UGT1A9: variants seen among roughly 807,000 people sequenced by gnomAD.
The protein encoded by UGT1A9 is UDP glucuronosyltransferase family 1 member A9.
UGT1A9 carries 35 observed loss-of-function variants against 45.0 expected under a neutral mutation model. The ratio of observed to expected loss-of-function variants is 0.78; its 90% CI spans 0.59 to 1.03. The LOEUF is 1.03. UGT1A9 is among the 50% of genes least tolerant of loss of function. The pLI is 0.00. For missense variants in UGT1A9, 687 were observed against 666.6 expected (o/e 1.03, Z -0.34); for synonymous variants, 278 against 250.6 (o/e 1.11, Z -1.03).
rs560828770 is a variant in UGT1A9, at chr2:233,701,758, G to A, written c.855+28969G>A. 2.2e-4 allele frequency among the ~76,000 whole-genome samples: 34 copies of A among 152,276 alleles called. No individual in the cohort carries two copies. The East Asian group carries it at 2.3e-3, about 10-fold the overall frequency. On this transcript the variant is annotated intron_variant, in intron 1 of 4. Transcript: ENST00000354728. ...CCTGAATAACTACTGGGTACATAACGAAATGAAGGCAGAAATAAAGGTGTT... is the reference window on the plus strand; with the variant it reads ...CCTGAATAACTACTGGGTACATAACAAAATGAAGGCAGAAATAAAGGTGTT...
At chr2:233,719,824 T>G in intron 1 of UGT1A9, 2 of 1,564,874 alleles carry the variant, frequency 1.3e-6, no homozygotes, top group South Asian at 2.4e-5. Context: ...GATAAACTGT[T>G]GAGGGGCCTA....
At chr2:233,749,889 C>G (rs1694294053) in intron 1 of UGT1A9, among the ~76,000 whole-genome samples, 1 of 151,896 alleles carries the variant, frequency 6.6e-6, no homozygotes. Context: ...TCCTGAGGCT[C>G]CCCCCTCCAG....
rs748395710 is a variant in UGT1A9, at chr2:233,672,689, T to C, written c.755T>C (p.Leu252Ser). 9 of 1,613,952 alleles carry C rather than the reference T, an allele frequency of 5.6e-6. No individual in the cohort carries two copies. Among genetic ancestry groups the C allele is most frequent in the Non-Finnish European group, 6.8e-6 (8 of 1,179,832 alleles). Residue 252 changes from leucine to serine, a missense_variant, in exon 1 of 5, where the codon TTG (leucine) becomes TCG (serine). By Grantham distance (145) the Leu-to-Ser change is moderately radical. Transcript: ENST00000354728. ...CTCTACAGCCACACATCAATTTGGT[T>C]GTTGCGAACGGACTTTGTTTTGGAC... ...YDLYSHTSIW[L>S]LRTDFVLDYP...
intron 1 of UGT1A9, among the ~76,000 whole-genome samples, chr2:233,705,949 T>A (rs1472932510): frequency 6.6e-6 from 1 of 151,962 alleles, no homozygotes; most frequent in Non-Finnish European, 1.5e-5. Context: ...ATTAGCTGGG[T>A]GTGGAGGTGC....
At chr2:233,683,817 C>T (rs2074652711) in intron 1 of UGT1A9, among the ~76,000 whole-genome samples, 2 of 152,078 alleles carry the variant, frequency 1.3e-5, no homozygotes, top group African/African-American at 2.4e-5. Flanking sequence ...TATTACTAAA[C>T]TCTCGTATTA....
intron 1 of UGT1A9, among the ~76,000 whole-genome samples, chr2:233,707,450 C>G (rs191535913): frequency 1.3e-5 from 2 of 151,870 alleles, no homozygotes; most frequent in East Asian, 1.9e-4. Flanking sequence ...ATTTTGCCAC[C>G]TAAATTTGCA....
intron 1 of UGT1A9, chr2:233,760,670 C>T: frequency 6.2e-7 from 1 of 1,614,098 alleles, no homozygotes; most frequent in Non-Finnish European, 8.5e-7. Context: ...TCTGGCTGTT[C>T]CCACTTACTG....
At chr2:233,729,959 G>T (rs1416622482) in intron 1 of UGT1A9, 2 of 1,614,018 alleles carry the variant, frequency 1.2e-6, no homozygotes, top group South Asian at 2.2e-5. Context: ...TTCATTGGGG[G>T]CATCAACTGT....
intron 1 of UGT1A9, among the ~76,000 whole-genome samples, chr2:233,688,515 C>A (rs953054685): frequency 6.6e-6 from 1 of 152,002 alleles, no homozygotes; most frequent in South Asian, 2.1e-4. Context: ...CAGTGAAATG[C>A]GCCTAGAGTG....
At chr2:233,677,079 A>C (rs1311557264) in intron 1 of UGT1A9, among the ~76,000 whole-genome samples, 1 of 152,082 alleles carries the variant, frequency 6.6e-6, no homozygotes, top group East Asian at 1.9e-4. Context: ...TAATGTGTGC[A>C]AAAATCCTGC....
intron 1 of UGT1A9, chr2:233,744,035 C>T (rs367793428): frequency 5.3e-5 from 42 of 799,694 alleles, no homozygotes; most frequent in Admixed American, 1.0e-4. Flanking sequence ...CCCCTTATGA[C>T]GCAGCCACAT....
intron 1 of UGT1A9, chr2:233,693,477 T>A (rs1474224090): frequency 6.2e-7 from 1 of 1,614,186 alleles, no homozygotes; most frequent in Non-Finnish European, 8.5e-7. Flanking sequence ...TGTGGGGTGA[T>A]CCTGGCTGAG....
At chr2:233,712,928 A>G in intron 1 of UGT1A9, 1 of 1,612,102 alleles carries the variant, frequency 6.2e-7, no homozygotes, top group East Asian at 2.2e-5. Flanking sequence ...AATTAAGACG[A>G]AGGAAACAAT....
rs186748787 is a variant in UGT1A9, at chr2:233,672,201, G to T, written c.267G>T (p.Glu89Asp). The change falls in exon 1 of 5, where the codon GAG becomes GAT. Residue 89 changes from glutamate to aspartate, a missense_variant. Transcript: ENST00000354728. Reference protein sequence around the residue: ...TSYTLEDLDREFKAFAHAQWK... With the variant: ...TSYTLEDLDRDFKAFAHAQWK... ...ATACCCTGGAGGATCTGGACCGGGA[G>T]TTCAAGGCTTTTGCCCATGCTCAAT... is the stretch of plus-strand genomic sequence containing the variant. 28 of 1,614,196 alleles carry T rather than the reference G, an allele frequency of 1.7e-5. No homozygotes were observed. Among genetic ancestry groups the T allele is most frequent in the Non-Finnish European group, 2.2e-5 (26 of 1,180,004 alleles).
rs765399769 is a variant in UGT1A9, at chr2:233,682,599, C to T, written c.855+9810C>T. 2.5e-6 allele frequency: 4 copies of T among 1,613,876 alleles called. No homozygotes were observed. The South Asian group carries it at 3.3e-5, about 13-fold the overall frequency. On this transcript the variant is annotated intron_variant, in intron 1 of 4. Coordinates refer to ENST00000354728, the MANE Select transcript of UGT1A9 (RefSeq NM_021027.3). ...CACTTGGAGGAACATTTATTTTGCC[C>T]CTATTTTTTCAAAAATGTCTTAGAA...
At chr2:233,756,429 T>C (rs2125943260) in intron 1 of UGT1A9, 1 of 152,364 alleles carries the variant, frequency 6.6e-6, no homozygotes, top group South Asian at 2.1e-4. Context: ...ACTGTTTTTT[T>C]TTCATTGTTG....
rs374192063 is a variant in UGT1A9, at chr2:233,743,919, T to C, written c.856-23115T>C. On this transcript the variant is annotated intron_variant, in intron 1 of 4. Coordinates refer to ENST00000354728, the MANE Select transcript of UGT1A9 (RefSeq NM_021027.3). ...AGCACCTCGTAGTAGTCCACCATGC[T>C]GGATGGCCAGAACGGCCCACCAGGC... The C allele has an allele frequency of 3.5e-4, 473 of 1,363,952 alleles. 9 individuals are homozygous for C. The highest frequency in any genetic ancestry group is 2.5e-3 in the African/African-American group (172 of 67,460). 84.5% of individuals were successfully genotyped at this position (1,363,952 alleles called of 1,614,324 possible).
At chr2:233,735,234 CTTG>C (rs1328873988) in intron 1 of UGT1A9, among the ~76,000 whole-genome samples, 2 of 152,132 alleles carry the variant, frequency 1.3e-5, no homozygotes, top group African/African-American at 4.8e-5. Context: ...ATAGTTAGCT[CTTG>C]TTGTTGAATT....
intron 1 of UGT1A9, chr2:233,717,787 T>G (rs749121467): frequency 2.2e-6 from 1 of 456,322 alleles, no homozygotes; most frequent in Admixed American, 2.3e-5. Flanking sequence ...ATTTTGAAAT[T>G]TGAAGTAGTG....
Sources: allele counts gnomAD v4.1 joint callset (sites outside exome capture counted in the v4.1 genomes callset), GRCh38; gene constraint gnomAD v4.1.1; transcripts MANE v1.5; gene names NCBI Gene and HGNC (gene_info 2026-07-23, HGNC 2026-07-21).